SLC4A4: variants seen among roughly 807,000 people sequenced by gnomAD.
The protein encoded by SLC4A4 is electrogenic sodium bicarbonate cotransporter 1.
SLC4A4 carries 27 observed loss-of-function variants against 111.5 expected under a neutral mutation model. The observed-to-expected ratio is 0.24, with a 90% CI of 0.18 to 0.33. The LOEUF (loss-of-function observed/expected upper bound fraction) is 0.33, where lower values mean the gene tolerates loss of function less well. Among genes scored for constraint, SLC4A4 ranks in the 10% least tolerant of loss-of-function variants. The probability of loss-of-function intolerance (pLI) is 1.00; values close to 1 mark genes in which losing one functional copy is unlikely to be tolerated. For missense variants in SLC4A4, 909 were observed against 1,315.5 expected, an observed-to-expected ratio of 0.69 and a Z score of 4.78; for synonymous variants, 443 against 463.4, an observed-to-expected ratio of 0.96 and a Z score of 0.57.
rs370339184 is a variant in SLC4A4, at chr4:71,134,413, TA to T, written c.-2+41622del. Among the ~76,000 whole-genome samples, 528 of 152,334 alleles carry T rather than the reference TA, an allele frequency of 3.5e-3. 5 individuals carry two copies. Among genetic ancestry groups the T allele is most frequent in the African/African-American group, 0.012 (507 of 41,580 alleles). The stretch of plus-strand genomic sequence containing the variant: ...TGGCCTTGGCCTTGGTGATAGTGCT[TA>T]TAAGGCTTGTTGTCTACACCAGTTT... On this transcript the variant is annotated intron_variant, in intron 2 of 26. Coordinates refer to the SLC4A4 transcript ENST00000649996.
At chr4:71,518,850 C>G (rs1732654101) in intron 16 of SLC4A4, among the ~76,000 whole-genome samples, 1 of 152,088 alleles carries the variant, frequency 6.6e-6, no homozygotes, top group South Asian at 2.1e-4. Flanking sequence ...GTGGTTGATC[C>G]TAGAGTCTGG....
chr4:71,263,547 A>G (rs1722024086), intron 3 of SLC4A4, among the ~76,000 whole-genome samples: 1 of 152,238 alleles, frequency 6.6e-6, no homozygotes, highest in Non-Finnish European at 1.5e-5. Flanking sequence ...GGTCTATCCA[A>G]GAAAATTTAC....
chr4:71,544,171 CAT>C, intron 18 of SLC4A4, among the ~76,000 whole-genome samples: 1 of 151,896 alleles, frequency 6.6e-6, no homozygotes, highest in Non-Finnish European at 1.5e-5. Flanking sequence ...AGCAGGGAAA[CAT>C]AAAGGAGGAG....
chr4:71,375,442 T>G (rs1732261463), intron 6 of SLC4A4, among the ~76,000 whole-genome samples: 1 of 152,214 alleles, frequency 6.6e-6, no homozygotes, highest in Non-Finnish European at 1.5e-5. Context: ...GAATGATTTT[T>G]CCACTTGGAA....
intron 2 of SLC4A4, among the ~76,000 whole-genome samples, chr4:71,246,559 G>A (rs1387574503): frequency 6.6e-6 from 1 of 152,222 alleles, no homozygotes; most frequent in Non-Finnish European, 1.5e-5. Flanking sequence ...CTGGTAGTAA[G>A]TGGGAAGACA....
intron 2 of SLC4A4, among the ~76,000 whole-genome samples, chr4:71,154,583 G>A (rs1380776705): frequency 6.6e-6 from 1 of 152,166 alleles, no homozygotes; most frequent in Non-Finnish European, 1.5e-5. Flanking sequence ...AACCGGGATT[G>A]ATAGAATTGG....
intron 2 of SLC4A4, among the ~76,000 whole-genome samples, chr4:71,147,712 A>G (rs774313324): frequency 6.6e-6 from 1 of 151,872 alleles, no homozygotes; most frequent in Non-Finnish European, 1.5e-5. Flanking sequence ...GTAGGATCTC[A>G]CGGTTGTCCA....
At chr4:71,466,102 C>T (rs1727284819) in intron 12 of SLC4A4, among the ~76,000 whole-genome samples, 2 of 152,150 alleles carry the variant, frequency 1.3e-5, no homozygotes, top group African/African-American at 4.8e-5. Flanking sequence ...AGTACCAAGT[C>T]ACTTCTAACC....
At chr4:71,502,325 G>T (rs1284715230) in intron 16 of SLC4A4, among the ~76,000 whole-genome samples, 4 of 152,094 alleles carry the variant, frequency 2.6e-5, no homozygotes, top group African/African-American at 9.7e-5. Flanking sequence ...ACTTGTCTTA[G>T]TCTTTATTTC....
intron 4 of SLC4A4, among the ~76,000 whole-genome samples, chr4:71,343,588 A>T (rs1729063038): frequency 1.3e-5 from 2 of 152,162 alleles, no homozygotes; most frequent in African/African-American, 2.4e-5. Context: ...CTTTCTCTAC[A>T]CCCAATATCT....
intron 1 of SLC4A4, among the ~76,000 whole-genome samples, chr4:71,214,005 A>G (rs914579132): frequency 6.6e-5 from 10 of 152,126 alleles, no homozygotes; most frequent in African/African-American, 2.2e-4. Context: ...TCTACACCCT[A>G]CGTAGGCTGC....
intron 24 of SLC4A4, among the ~76,000 whole-genome samples, chr4:71,566,257 T>C (rs1348628280): frequency 2.2e-5 from 1 of 44,852 alleles, no homozygotes; most frequent in Non-Finnish European, 7.0e-5. Context: ...TCAAACCATG[T>C]TCTGACTTCA....
Position 71,425,154 on chromosome 4 carries a change from T to C in SLC4A4, c.808-15462T>C, listed in dbSNP as rs544146612. 1.9e-3 allele frequency among the ~76,000 whole-genome samples: 291 copies of C among 152,232 alleles called. 2 individuals carry two copies. The highest frequency in any genetic ancestry group is 2.4e-3 in the Non-Finnish European group (164 of 67,998). The stretch of plus-strand genomic sequence containing the variant: ...TGTTTAAGATGGTATTTGTCCAGGC[T>C]ATTCAGGAACACGCAAGCCCTGTCC... On this transcript the variant is annotated intron_variant, in intron 7 of 25. Transcript: ENST00000264485.
intron 16 of SLC4A4, among the ~76,000 whole-genome samples, chr4:71,520,838 C>CT (rs1256972463): frequency 5.3e-5 from 8 of 151,352 alleles, no homozygotes; most frequent in African/African-American, 1.7e-4. Context: ...CTCTGTATTT[C>CT]TTTTTTTTGG....
At chr4:71,154,015 T>C (rs1000727410) in intron 2 of SLC4A4, among the ~76,000 whole-genome samples, 2 of 152,158 alleles carry the variant, frequency 1.3e-5, no homozygotes, top group Non-Finnish European at 2.9e-5. Flanking sequence ...TGTTCAGACC[T>C]ACCATAATTC....
chr4:71,233,371 T>C (rs1269723118), intron 1 of SLC4A4: 1 of 906,792 alleles, frequency 1.1e-6, no homozygotes, highest in Non-Finnish European at 1.3e-6. Flanking sequence ...AAAGTGCTTT[T>C]TACATCTCTT....
chr4:71,536,465 C>CATATATACATATAT (rs1491113972), intron 18 of SLC4A4, among the ~76,000 whole-genome samples: 4 of 40,706 alleles, frequency 9.8e-5, no homozygotes, highest in Non-Finnish European at 1.5e-4. Flanking sequence ...TACATATATA[C>CATATATACATATAT]ATATATATAT....
chr4:71,350,272 C>T (rs548413742), intron 5 of SLC4A4, among the ~76,000 whole-genome samples, 200 bp downstream of exon 5: 5 of 152,250 alleles, frequency 3.3e-5, no homozygotes, highest in South Asian at 4.1e-4. Context: ...AGAAAACTAT[C>T]TTCCATAACA....
chr4:71,298,530 A>G (rs954032619), intron 3 of SLC4A4, among the ~76,000 whole-genome samples: 1 of 152,254 alleles, frequency 6.6e-6, no homozygotes, highest in African/African-American at 2.4e-5. Flanking sequence ...TGAGTCACCA[A>G]ATTTATAAAT....
Sources: allele counts gnomAD v4.1 joint callset (sites outside exome capture counted in the v4.1 genomes callset), GRCh38; gene constraint gnomAD v4.1.1; transcripts MANE v1.5; gene names NCBI Gene and HGNC (gene_info 2026-07-23, HGNC 2026-07-21).